Variants in RGS6 observed in about 807,000 individuals in gnomAD.
RGS6 encodes the protein regulator of G-protein signaling 6.
Under a neutral mutation model 78.5 loss-of-function variants are expected in RGS6, and 30 were observed. The observed-to-expected ratio is 0.38, with a 90% CI of 0.29 to 0.52. The LOEUF is 0.52. Among genes scored for constraint, RGS6 ranks in the 20% least tolerant of loss-of-function variants. The pLI is 0.85. For missense variants in RGS6, 495 were observed against 609.7 expected, an observed-to-expected ratio of 0.81 and a Z score of 1.98; for synonymous variants, 206 against 206.0, an observed-to-expected ratio of 1.00 and a Z score of 0.00.
chr14:72,051,076 C>T (rs1360094173), intron 2 of RGS6, among the ~76,000 whole-genome samples: 1 of 152,038 alleles, frequency 6.6e-6, no homozygotes, highest in Non-Finnish European at 1.5e-5. Flanking sequence ...AGATGATTTA[C>T]AAGAAACTTT....
intron 17 of RGS6, among the ~76,000 whole-genome samples, chr14:72,545,301 T>A (rs187588555): frequency 1.0e-3 from 157 of 152,274 alleles, no homozygotes; most frequent in African/African-American, 3.7e-3. Context: ...GAGACTTCCA[T>A]CGAAGTGTTT....
At chr14:72,106,383 T>TG in intron 2 of RGS6, among the ~76,000 whole-genome samples, 1 of 152,036 alleles carries the variant, frequency 6.6e-6, no homozygotes, top group East Asian at 1.9e-4. Flanking sequence ...ACTATGGAGG[T>TG]GGGGTGTTTA....
At chr14:72,148,331 G>C (rs888792137) in intron 2 of RGS6, among the ~76,000 whole-genome samples, 1 of 151,980 alleles carries the variant, frequency 6.6e-6, no homozygotes, top group Admixed American at 6.6e-5. Flanking sequence ...CCATGAGTTC[G>C]AGGCTGCAGT....
chr14:72,313,127 AACATCTTC>A (rs1307098236), intron 2 of RGS6, among the ~76,000 whole-genome samples: 4 of 152,174 alleles, frequency 2.6e-5, no homozygotes, highest in African/African-American at 9.7e-5. Context: ...CTTGTGTCTC[AACATCTTC>A]AGTTGGGGAT....
At chr14:72,118,832 A>AATTAT (rs2095974244) in intron 2 of RGS6, among the ~76,000 whole-genome samples, 1 of 152,232 alleles carries the variant, frequency 6.6e-6, no homozygotes, top group Non-Finnish European at 1.5e-5. Flanking sequence ...AAAATGCTAG[A>AATTAT]AAAATAGGAG....
At chr14:72,115,229 G>T (rs372664161) in intron 2 of RGS6, among the ~76,000 whole-genome samples, 4 of 152,132 alleles carry the variant, frequency 2.6e-5, no homozygotes, top group African/African-American at 4.8e-5. Flanking sequence ...TTATTTTACA[G>T]GATTTCTTCT....
chr14:71,906,520 C>T, the RGS6 span, among the ~76,000 whole-genome samples: 2 of 152,226 alleles, frequency 1.3e-5, no homozygotes, highest in Non-Finnish European at 2.9e-5. Flanking sequence ...CTTCCTCTTC[C>T]TCAGACTGAT....
chr14:72,397,400 G>A (rs1468154955), intron 3 of RGS6, among the ~76,000 whole-genome samples: 1 of 151,844 alleles, frequency 6.6e-6, no homozygotes, highest in Non-Finnish European at 1.5e-5. Flanking sequence ...CATTGATTTT[G>A]TATCCTGAGA....
chr14:72,625,217 A>C, the RGS6 span, among the ~76,000 whole-genome samples: 5 of 151,922 alleles, frequency 3.3e-5, no homozygotes, highest in Non-Finnish European at 7.4e-5. Flanking sequence ...TTCCCTCTAC[A>C]TTTACTCATT....
intron 2 of RGS6, among the ~76,000 whole-genome samples, chr14:72,307,921 C>T (rs2067631287): frequency 1.3e-5 from 2 of 152,150 alleles, no homozygotes; most frequent in Non-Finnish European, 2.9e-5. Context: ...TTATATAGCT[C>T]TTCCACATGT....
intron 2 of RGS6, among the ~76,000 whole-genome samples, chr14:72,174,926 A>T (rs1392471726): frequency 6.6e-6 from 1 of 152,182 alleles, no homozygotes; most frequent in East Asian, 1.9e-4. Flanking sequence ...GAGGCAAGAC[A>T]TTCAGTTGCT....
intron 13 of RGS6, among the ~76,000 whole-genome samples, chr14:72,503,976 G>C (rs2096763805): frequency 6.6e-6 from 1 of 152,170 alleles, no homozygotes; most frequent in Non-Finnish European, 1.5e-5. Flanking sequence ...CTTTCTGTGG[G>C]GACCCCATCC....
At chr14:72,338,761 G>A (rs112079952) in intron 2 of RGS6, among the ~76,000 whole-genome samples, 1,549 of 152,284 alleles carry the variant, frequency 0.01, 10 homozygotes, top group South Asian at 0.021. Flanking sequence ...CTGTCCTCTG[G>A]GAGCTGCACA....
chr14:71,948,709 T>C (rs35858041), intron 1 of RGS6, among the ~76,000 whole-genome samples: 40,538 of 146,748 alleles, frequency 0.28, 6,301 homozygotes, highest in Admixed American at 0.34. Context: ...CATTGGTAAC[T>C]GCTAAGCTGA....
intron 3 of RGS6, among the ~76,000 whole-genome samples, chr14:72,453,990 A>AG (rs1426913927): frequency 6.6e-6 from 1 of 152,238 alleles, no homozygotes; most frequent in Non-Finnish European, 1.5e-5. Context: ...ATCTAAGTGC[A>AG]GGGGAGGCTG....
intron 2 of RGS6, among the ~76,000 whole-genome samples, chr14:72,240,873 C>A (rs1461600781): frequency 3.3e-5 from 5 of 152,020 alleles, no homozygotes; most frequent in African/African-American, 4.8e-5. Flanking sequence ...AAACTTACGC[C>A]TTTGGCCAGG....
chr14:72,448,623 C>A (rs547339268), intron 3 of RGS6, among the ~76,000 whole-genome samples: 1 of 152,034 alleles, frequency 6.6e-6, no homozygotes, highest in Non-Finnish European at 1.5e-5. Flanking sequence ...CAGGATTATT[C>A]CAGAGCCTGG....
chr14:72,291,080 A>C (rs2063494098), intron 2 of RGS6, among the ~76,000 whole-genome samples: 1 of 151,748 alleles, frequency 6.6e-6, no homozygotes, highest in Admixed American at 6.6e-5. Context: ...CCCTGGGGCC[A>C]GGCTATACCT....
chr14:72,335,168 T>C (rs2075807040), intron 2 of RGS6, among the ~76,000 whole-genome samples: 2 of 152,200 alleles, frequency 1.3e-5, no homozygotes, highest in Admixed American at 6.5e-5. Context: ...CATATGGAAC[T>C]GTGAGTCAAT....
Sources: allele counts gnomAD v4.1 joint callset (sites outside exome capture counted in the v4.1 genomes callset), GRCh38; gene constraint gnomAD v4.1.1; transcripts MANE v1.5; gene names NCBI Gene and HGNC (gene_info 2026-07-23, HGNC 2026-07-21).